KCNQ1: variants seen among roughly 807,000 people sequenced by gnomAD.
KCNQ1 encodes potassium voltage-gated channel subfamily KQT member 1.
KCNQ1 carries 49 observed loss-of-function variants against 72.4 expected under a neutral mutation model. The ratio of observed to expected loss-of-function variants is 0.68; its 90% CI spans 0.54 to 0.86. KCNQ1 has a LOEUF of 0.86. Ranked by LOEUF, KCNQ1 falls within the 40% of genes least tolerant of loss-of-function variation. The pLI is 0.00. For missense variants in KCNQ1, 790 were observed against 945.1 expected (o/e 0.84, Z 2.15); for synonymous variants, 450 against 412.6 (o/e 1.09, Z -1.10).
In KCNQ1 at chr11:2,685,302, A is replaced by G. The variant is rs1381733487; in HGVS notation, c.1514+23221A>G. ...TTGCCCACAAACATGCACACAGAGT[A>G]TCGATCTGTCTGATGTTTCAGGGAC... On this transcript the variant is annotated intron_variant, in intron 11 of 15. Transcript: ENST00000155840. 2.8e-5 allele frequency: 11 copies of G among 398,558 alleles called. No individual in the cohort carries two copies. In the Admixed American group the frequency reaches 4.4e-4, roughly 16 times the overall value. The allele number at this position is 398,558 out of a possible 1,614,324, so 24.7% of individuals were successfully genotyped here. A position where few individuals can be genotyped will look rare whatever the true frequency, so the allele number is the denominator to read the frequency against.
chr11:2,506,792 C>A (rs1318321780), intron 1 of KCNQ1, among the ~76,000 whole-genome samples: 1 of 152,184 alleles, frequency 6.6e-6, no homozygotes, highest in Non-Finnish European at 1.5e-5. Flanking sequence ...AGGTCCATAG[C>A]TTTGTTTTAA....
Position 2,670,995 on chromosome 11 carries a change from A to G in KCNQ1, c.1514+8914A>G, listed in dbSNP as rs566817733. On this transcript the variant is annotated intron_variant, in intron 11 of 15. Transcript: ENST00000155840. This position sits in a 1 kb window ranked among gnomAD's most constrained non-coding sequence, Gnocchi z 4.9. Reference sequence around the variant, plus strand: ...CCCTGGCTAGGCATTCATGCTTTAGATATGTGGGCCCTGTTAGGGACAACG... The same window carrying G: ...CCCTGGCTAGGCATTCATGCTTTAGGTATGTGGGCCCTGTTAGGGACAACG... 2 of 398,526 alleles carry G rather than the reference A, an allele frequency of 5.0e-6. No homozygotes were observed. Among genetic ancestry groups the G allele is most frequent in the South Asian group, 1.3e-4 (1 of 7,852 alleles). 24.7% of individuals were successfully genotyped at this position (398,526 alleles called of 1,614,324 possible).
At position 2,463,874 on chromosome 11, in the gene KCNQ1, A is replaced by G. The variant is rs1846314411; in HGVS notation, c.386+18390A>G. 6.6e-6 allele frequency among the ~76,000 whole-genome samples: 1 copy of G among 150,956 alleles called. No individual in the cohort carries two copies. Among genetic ancestry groups the G allele is most frequent in the Non-Finnish European group, 1.5e-5 (1 of 67,672 alleles). On this transcript the variant is annotated intron_variant, in intron 1 of 15. Coordinates refer to ENST00000155840, the MANE Select transcript of KCNQ1 (RefSeq NM_000218.3). This position sits in a 1 kb window ranked among gnomAD's most constrained non-coding sequence, Gnocchi z 7.0. ...CTTGTGTAGATGCCCCCGTGCGGGG[A>G]CTTGTTTGGCTGATGGATCAGGGGG...
intron 10 of KCNQ1, chr11:2,619,954 T>C (rs1163563509): frequency 2.8e-6 from 1 of 351,030 alleles, no homozygotes; most frequent in Non-Finnish European, 4.9e-6. Flanking sequence ...GGAGTGTGGA[T>C]AAGCCTATCA....
In KCNQ1 at chr11:2,587,562, G is replaced by C. The variant is rs200612600; in HGVS notation, c.1129-8G>C. ...CAGGTGACAGCCTGTCCCCCTGCCC[G>C]ACCTCAGACCGCATGGAGGTGCTAT... is the stretch of plus-strand genomic sequence containing the variant. On this transcript the variant is annotated splice_polypyrimidine_tract_variant and splice_region_variant and intron_variant, in intron 8 of 15. Transcript: ENST00000155840. 6.2e-7 allele frequency: 1 copy of C among 1,613,440 alleles called. No individual in the cohort carries two copies. Among genetic ancestry groups the C allele is most frequent in the South Asian group, 1.1e-5 (1 of 91,078 alleles).
chr11:2,726,729 G>A (rs966070468), intron 11 of KCNQ1, among the ~76,000 whole-genome samples: 1 of 152,180 alleles, frequency 6.6e-6, no homozygotes, highest in South Asian at 2.1e-4. Flanking sequence ...TTTAATACGG[G>A]GGAAATAGTG....
intron 11 of KCNQ1, among the ~76,000 whole-genome samples, chr11:2,751,477 A>T (rs2133963320): frequency 6.6e-6 from 1 of 152,358 alleles, no homozygotes; most frequent in South Asian, 2.1e-4. Context: ...CTCTCTCCTG[A>T]CGCGGGGACT....
In KCNQ1 at chr11:2,732,332, C is replaced by T. The variant is rs141083956; in HGVS notation, c.1515-36512C>T. ...AAAACAAGCTGCCCCGTGGGCACTG[C>T]GAAGACCCTCGGGGCCAGAGCCACT... On this transcript the variant is annotated intron_variant, in intron 11 of 15. Coordinates refer to ENST00000155840, the MANE Select transcript of KCNQ1 (RefSeq NM_000218.3). Among the ~76,000 whole-genome samples, 11 of 152,282 alleles carry T rather than the reference C, an allele frequency of 7.2e-5. No homozygotes were observed. The East Asian group carries it at 1.4e-3, about 19-fold the overall frequency.
At chr11:2,821,379 A>C (rs1186494263) in intron 15 of KCNQ1, among the ~76,000 whole-genome samples, 1 of 152,198 alleles carries the variant, frequency 6.6e-6, no homozygotes, top group Admixed American at 6.5e-5. Context: ...CGCCAGCCAC[A>C]CACACTTTCT....
At chr11:2,693,125 T>C (rs1375756739) in intron 11 of KCNQ1, 12 of 398,688 alleles carry the variant, frequency 3.0e-5, no homozygotes, top group Middle Eastern at 1.3e-3. Flanking sequence ...GACTACTTTC[T>C]GTCAATCACC....
At chr11:2,572,282 C>A (rs913648937) in intron 5 of KCNQ1, among the ~76,000 whole-genome samples, 173 bp downstream of exon 5, 1 of 152,190 alleles carries the variant, frequency 6.6e-6, no homozygotes, top group Non-Finnish European at 1.5e-5. Flanking sequence ...CAAGCTTGAG[C>A]CCAGCCTGGA....
intron 10 of KCNQ1, chr11:2,622,258 T>C (rs1849186456): frequency 2.5e-6 from 1 of 398,270 alleles, no homozygotes; most frequent in African/African-American, 2.1e-5. Context: ...ACGTTTCCAA[T>C]TGCGAAGTCT....
intron 15 of KCNQ1, among the ~76,000 whole-genome samples, chr11:2,802,603 C>CG (rs545971462): frequency 0.012 from 1,772 of 151,818 alleles, 39 homozygotes; most frequent in African/African-American, 0.041. Flanking sequence ...CCTGGGTCCC[C>CG]AGGGTATAGG....
rs1418051533 is a variant in KCNQ1, at chr11:2,608,884, CTG to C, written c.1393+20032_1393+20033del. 1 of 398,316 alleles carries C rather than the reference CTG, an allele frequency of 2.5e-6. No individual in the cohort carries two copies. Among genetic ancestry groups the C allele is most frequent in the African/African-American group, 2.1e-5 (1 of 48,570 alleles). The allele number at this position is 398,316 out of a possible 1,614,324, so 24.7% of individuals were successfully genotyped here. Reference sequence around the variant, plus strand: ...CCCTTTGCCTCATGCACTTCCCTCTCTGTCTTTCCTCCTCCCCCTCTTTCTTC... The same window carrying C: ...CCCTTTGCCTCATGCACTTCCCTCTCTCTTTCCTCCTCCCCCTCTTTCTTC... On this transcript the variant is annotated intron_variant, in intron 10 of 15. Coordinates refer to ENST00000155840, the MANE Select transcript of KCNQ1 (RefSeq NM_000218.3). The surrounding 1 kb of genome is among the most constrained non-coding windows in gnomAD (Gnocchi z 4.6).
At chr11:2,847,654 T>C in intron 15 of KCNQ1, 113 bp from the exon 16 acceptor site, 1 of 997,284 alleles carries the variant, frequency 1.0e-6, no homozygotes, top group Non-Finnish European at 1.5e-6. Flanking sequence ...AGCATGCACT[T>C]GCAGAGACGG....
chr11:2,845,208 C>T (rs1337291114), intron 15 of KCNQ1, among the ~76,000 whole-genome samples: 4 of 152,178 alleles, frequency 2.6e-5, no homozygotes, highest in Non-Finnish European at 5.9e-5. Context: ...TCCCAGAGGC[C>T]CCGCCCCACC....
intron 2 of KCNQ1, among the ~76,000 whole-genome samples, chr11:2,569,914 C>T (rs191028125): frequency 3.7e-4 from 57 of 152,308 alleles, no homozygotes; most frequent in African/African-American, 8.7e-4. Context: ...CAGGAACCTC[C>T]GCCCTCTGGT....
At chr11:2,655,166 G>A in intron 10 of KCNQ1, 1 of 398,630 alleles carries the variant, frequency 2.5e-6, no homozygotes, top group East Asian at 3.6e-5. Context: ...TTTGATTCCT[G>A]TTCTCTTGAG....
chr11:2,627,023 C>T lies in KCNQ1; in HGVS notation c.1394-34938C>T. ...TAGATTGTTTTGTGTGGTACTGACA[C>T]CTTAACAATATTGGCCTTCCAATCC... On this transcript the variant is annotated intron_variant, in intron 10 of 15. Coordinates refer to ENST00000155840, the MANE Select transcript of KCNQ1 (RefSeq NM_000218.3). This position sits in a 1 kb window ranked among gnomAD's most constrained non-coding sequence, Gnocchi z 4.9. 2.5e-6 allele frequency: 1 copy of T among 398,528 alleles called. No homozygotes were observed. Among genetic ancestry groups the T allele is most frequent in the Non-Finnish European group, 4.4e-6 (1 of 226,066 alleles). The allele number at this position is 398,528 out of a possible 1,614,324, so 24.7% of individuals were successfully genotyped here.
Sources: allele counts gnomAD v4.1 joint callset (sites outside exome capture counted in the v4.1 genomes callset), GRCh38; gene constraint gnomAD v4.1.1; non-coding constraint Gnocchi (gnomAD v3.1); transcripts MANE v1.5; gene names NCBI Gene and HGNC (gene_info 2026-07-23, HGNC 2026-07-21).